Variants in ZNF469 observed in about 807,000 individuals in gnomAD.
ZNF469 encodes the protein zinc finger protein 469.
Under a neutral mutation model 1.0 loss-of-function variants are expected in ZNF469, and 1 was observed. That is an observed-to-expected ratio of 1.00 (90% confidence interval 0.35 to 4.73). The LOEUF is 4.73. ZNF469 is among the 30% of genes most tolerant of loss of function. The probability of loss-of-function intolerance (pLI) is 0.16; values close to 1 mark genes in which losing one functional copy is unlikely to be tolerated. For synonymous variants in ZNF469, 2,703 were observed against 2,363.4 expected (o/e 1.14, Z -4.17); for missense variants, 6,100 against 5,356.3 (o/e 1.14, Z -4.33).
intron 1 of ZNF469, among the ~76,000 whole-genome samples, chr16:88,391,694 C>T (rs901800057): frequency 3.3e-5 from 5 of 152,196 alleles, no homozygotes; most frequent in Non-Finnish European, 7.4e-5. Flanking sequence ...GGCAAGCACC[C>T]GACACATCTT....
chr16:88,241,283 C>T, the ZNF469 span, among the ~76,000 whole-genome samples: 4 of 151,326 alleles, frequency 2.6e-5, no homozygotes, highest in African/African-American at 7.3e-5. The surrounding 1 kb of genome is among the most constrained non-coding windows in gnomAD (Gnocchi z 4.8). Context: ...TGCTTGAACT[C>T]GGGAGGTGGA....
Position 88,428,434 on chromosome 16 carries a change from C to A in ZNF469, c.964C>A (p.Pro322Thr). Residue 322 changes from proline to threonine, a missense_variant, in exon 3 of 3, where the codon CCT becomes ACT. Coordinates refer to ENST00000565624, the MANE Select transcript of ZNF469 (RefSeq NM_001367624.2). Reference protein sequence around the residue: ...AWPEEAVGTGPAYPLPTQPAP... With the variant: ...AWPEEAVGTGTAYPLPTQPAP... ...GCCGGAGGAGGCCGTGGGCACGGGC[C>A]CTGCCTACCCGCTGCCCACCCAGCC... 1 of 1,548,184 alleles carries A rather than the reference C, an allele frequency of 6.5e-7. No individual in the cohort carries two copies. The highest frequency in any genetic ancestry group is 1.7e-4 in the Middle Eastern group (1 of 5,990).
chr16:88,199,842 G>A, the ZNF469 span, among the ~76,000 whole-genome samples: 1 of 152,220 alleles, frequency 6.6e-6, no homozygotes, highest in African/African-American at 2.4e-5. Flanking sequence ...CAGAGGCGCT[G>A]GTTTGTTGTC....
At chr16:88,397,223 C>T (rs1044502085) in intron 1 of ZNF469, among the ~76,000 whole-genome samples, 1 of 152,268 alleles carries the variant, frequency 6.6e-6, no homozygotes, top group Non-Finnish European at 1.5e-5. Context: ...AGGGAAGCCT[C>T]TCATTGGCGG....
chr16:88,156,319 G>C, the ZNF469 span, among the ~76,000 whole-genome samples: 1 of 152,150 alleles, frequency 6.6e-6, no homozygotes, highest in Non-Finnish European at 1.5e-5. Context: ...GACCCAGGGT[G>C]ATAAAGATTA....
At chr16:88,369,570 C>G in the ZNF469 span, among the ~76,000 whole-genome samples, 5 of 152,370 alleles carry the variant, frequency 3.3e-5, no homozygotes, top group Admixed American at 2.6e-4. Flanking sequence ...CACTTCACCT[C>G]TCTGAGCCCA....
the ZNF469 span, among the ~76,000 whole-genome samples, chr16:88,220,298 G>C: frequency 1.3e-5 from 2 of 152,218 alleles, no homozygotes; most frequent in Non-Finnish European, 2.9e-5. Context: ...AAGATACCCA[G>C]TGTGCAGCCG....
chr16:88,321,323 G>T, the ZNF469 span, among the ~76,000 whole-genome samples: 1 of 152,288 alleles, frequency 6.6e-6, no homozygotes, highest in Non-Finnish European at 1.5e-5. Context: ...GGGAAACCTT[G>T]GTTTTTGCCC....
At chr16:88,153,946 G>A in the ZNF469 span, among the ~76,000 whole-genome samples, 1,377 of 152,214 alleles carry the variant, frequency 9.0e-3, 19 homozygotes, top group African/African-American at 0.032. Flanking sequence ...TTTATCCTAA[G>A]CCCCCTCCTT....
chr16:88,342,979 G>T, the ZNF469 span, among the ~76,000 whole-genome samples: 6 of 152,244 alleles, frequency 3.9e-5, no homozygotes, highest in Non-Finnish European at 8.8e-5. Context: ...GCCACTGGAT[G>T]AGCTTTGTGG....
At position 88,429,956 on chromosome 16, in the gene ZNF469, C is replaced by T. The variant is rs768172449; in HGVS notation, c.2486C>T (p.Ala829Val). 8 of 1,550,192 alleles carry T rather than the reference C, an allele frequency of 5.2e-6. No individual in the cohort carries two copies. The South Asian group carries it at 9.5e-5, about 18-fold the overall frequency. The change falls in exon 3 of 3, where the codon GCC becomes GTC. Residue 829 changes from alanine to valine, a missense_variant. By Grantham distance (64) the Ala-to-Val change is moderately conservative (BLOSUM62 0). Coordinates refer to ENST00000565624, the MANE Select transcript of ZNF469 (RefSeq NM_001367624.2). ...SLAATPFPLP[A>V]SDLDMEDDAK... ...GCCGCCACCCCCTTCCCGCTCCCTG[C>T]CTCGGACCTGGACATGGAGGATGAC...
chr16:88,315,246 G>C, the ZNF469 span, among the ~76,000 whole-genome samples: 3 of 152,230 alleles, frequency 2.0e-5, no homozygotes, highest in Admixed American at 2.0e-4. Context: ...CACGAGATCT[G>C]TGTGGTCGGA....
the ZNF469 span, among the ~76,000 whole-genome samples, chr16:88,311,856 G>A: frequency 2.6e-5 from 4 of 151,982 alleles, no homozygotes; most frequent in East Asian, 1.9e-4. Context: ...CTGAAGCTGC[G>A]TGCTTTCAAA....
intron 1 of ZNF469, among the ~76,000 whole-genome samples, chr16:88,386,132 C>T (rs939608567): frequency 2.0e-5 from 3 of 152,180 alleles, no homozygotes; most frequent in Non-Finnish European, 4.4e-5. Flanking sequence ...TTCCCAGCGC[C>T]TTCCCCATTT....
the ZNF469 span, among the ~76,000 whole-genome samples, chr16:88,119,700 G>A: frequency 2.6e-5 from 4 of 152,206 alleles, no homozygotes; most frequent in South Asian, 4.1e-4. Flanking sequence ...CTCTGGATGT[G>A]TGGGACTGGG....
chr16:88,146,241 C>T, the ZNF469 span, among the ~76,000 whole-genome samples: 1 of 152,230 alleles, frequency 6.6e-6, no homozygotes, highest in Non-Finnish European at 1.5e-5. Context: ...GTGCCTGGCA[C>T]GTGGCAGGTG....
chr16:88,301,578 A>G, the ZNF469 span, among the ~76,000 whole-genome samples: 1 of 152,234 alleles, frequency 6.6e-6, no homozygotes, highest in East Asian at 1.9e-4. Flanking sequence ...CGAGTAGGGG[A>G]CACAGGCATC....
the ZNF469 span, among the ~76,000 whole-genome samples, chr16:88,240,360 G>T: frequency 1.3e-5 from 2 of 152,176 alleles, no homozygotes; most frequent in African/African-American, 4.8e-5. Flanking sequence ...TGGAGGGAGG[G>T]AATGAGAGAG....
intron 1 of ZNF469, among the ~76,000 whole-genome samples, chr16:88,410,101 G>T (rs1255478519): frequency 6.6e-6 from 1 of 152,110 alleles, no homozygotes; most frequent in Non-Finnish European, 1.5e-5. Flanking sequence ...ATGTGGGGGT[G>T]GGGGAAGGAA....
Sources: allele counts gnomAD v4.1 joint callset (sites outside exome capture counted in the v4.1 genomes callset), GRCh38; gene constraint gnomAD v4.1.1; non-coding constraint Gnocchi (gnomAD v3.1); transcripts MANE v1.5; gene names NCBI Gene and HGNC (gene_info 2026-07-23, HGNC 2026-07-21).